Variants in MTG1 observed in about 807,000 individuals in gnomAD.
MTG1 encodes the protein mitochondrial ribosome associated GTPase 1.
MTG1 carries 30 observed loss-of-function variants against 39.5 expected under a neutral mutation model. That is an observed-to-expected ratio of 0.76 (90% CI 0.57 to 1.03). The LOEUF is 1.03. Ranked by LOEUF, MTG1 falls within the 50% of genes least tolerant of loss-of-function variation. MTG1 has a pLI of 0.00. For missense variants in MTG1, 513 were observed against 447.4 expected (o/e 1.15, Z -1.32); for synonymous variants, 217 against 179.0 (o/e 1.21, Z -1.69).
In MTG1 at chr10:133,420,488, CTCCAGTTAAAGGGCCTGTTT is replaced by C; in HGVS notation, c.*324_*343del. On this transcript the variant is annotated 3_prime_UTR_variant, in exon 11 of 11. Coordinates refer to ENST00000317502, the MANE Select transcript of MTG1 (RefSeq NM_138384.4). The stretch of plus-strand genomic sequence containing the variant: ...AGCTATAACCTGTAACCTTTAAAAT[CTCCAGTTAAAGGGCCTGTTT>C]CTTACTGGCCTGTGAGGTGCACCGT... 1 of 295,130 alleles carries C rather than the reference CTCCAGTTAAAGGGCCTGTTT, an allele frequency of 3.4e-6. No homozygotes were observed. Among genetic ancestry groups the C allele is most frequent in the East Asian group, 5.7e-5 (1 of 17,542 alleles). 18.3% of individuals were successfully genotyped at this position (295,130 alleles called of 1,614,324 possible).
Position 133,402,881 on chromosome 10 carries a change from C to A in MTG1, c.752+108C>A. 2.5e-6 allele frequency: 2 copies of A among 812,532 alleles called. No homozygotes were observed. Among genetic ancestry groups the A allele is most frequent in the Non-Finnish European group, 3.8e-6 (2 of 520,790 alleles). 50.3% of individuals were successfully genotyped at this position (812,532 alleles called of 1,614,324 possible). ...CAGCATTATAAAGGTATTATAAACA[C>A]GGTAACCTGCACATCGTTTAAAGCG... On this transcript the variant is annotated intron_variant, in intron 9 of 10. Coordinates refer to ENST00000317502, the MANE Select transcript of MTG1 (RefSeq NM_138384.4). This position sits in a 1 kb window ranked among gnomAD's most constrained non-coding sequence, Gnocchi z 4.7.
intron 9 of MTG1, among the ~76,000 whole-genome samples, chr10:133,413,599 T>C (rs1281169149): frequency 2.6e-5 from 4 of 152,212 alleles, no homozygotes; most frequent in Admixed American, 2.6e-4. Flanking sequence ...CTCTTTAGGA[T>C]TGAATATTTT....
In MTG1 at chr10:133,420,517, C is replaced by T. The variant is rs1406976834; in HGVS notation, c.*352C>T. On this transcript the variant is annotated 3_prime_UTR_variant, in exon 11 of 11. Coordinates refer to ENST00000317502, the MANE Select transcript of MTG1 (RefSeq NM_138384.4). ...AGTTAAAGGGCCTGTTTCTTACTGG[C>T]CTGTGAGGTGCACCGTAGTGCCTTG... The T allele has an allele frequency of 5.2e-5, 12 of 230,980 alleles. No individual in the cohort carries two copies. Among genetic ancestry groups the T allele is most frequent in the Admixed American group, 2.8e-4 (5 of 17,776 alleles). 14.3% of individuals were successfully genotyped at this position (230,980 alleles called of 1,614,324 possible).
intron 6 of MTG1, among the ~76,000 whole-genome samples, chr10:133,401,154 G>C (rs7089337): frequency 0.022 from 3,368 of 152,260 alleles, 118 homozygotes; most frequent in African/African-American, 0.075. Flanking sequence ...GGGAGGTGGG[G>C]GACTGCGTGG....
chr10:133,405,305 C>T (rs894727645), intron 9 of MTG1, among the ~76,000 whole-genome samples: 4 of 152,076 alleles, frequency 2.6e-5, no homozygotes, highest in African/African-American at 4.8e-5. Flanking sequence ...TTCAGGGTAC[C>T]TATGATATTT....
chr10:133,396,545 C>T (rs1032916608), intron 3 of MTG1, among the ~76,000 whole-genome samples: 13 of 152,176 alleles, frequency 8.5e-5, no homozygotes, highest in South Asian at 2.1e-4. Context: ...TCAGTGAGTG[C>T]GCATTGTGGG....
rs374714619 is a variant in MTG1, at chr10:133,394,250, C to G, written c.30C>G (p.Ser10Arg). MRLTPRALC[S>R]AAQAAWRENF... ...GATTGACCCCGCGCGCGCTGTGCAG[C>G]GCCGCCCAGGCCGCCTGGCGGGAGA... The change falls in exon 1 of 11, where the codon AGC (serine) becomes AGG (arginine). Residue 10 changes from serine (S) to arginine (R), a missense_variant. Coordinates refer to ENST00000317502, the MANE Select transcript of MTG1 (RefSeq NM_138384.4). The G allele has an allele frequency of 9.5e-4, 1,438 of 1,518,746 alleles. 7 individuals are homozygous for G. In the Middle Eastern group the frequency reaches 0.01, roughly 11 times the overall value. 94.1% of individuals were successfully genotyped at this position (1,518,746 alleles called of 1,614,324 possible). A position where few individuals can be genotyped will look rare whatever the true frequency, so the allele number is the denominator to read the frequency against.
At chr10:133,412,782 T>C (rs1850065960) in intron 9 of MTG1, among the ~76,000 whole-genome samples, 1 of 152,368 alleles carries the variant, frequency 6.6e-6, no homozygotes, top group South Asian at 2.1e-4. Context: ...CTGGTTTCAT[T>C]GACTTTCTGT....
intron 9 of MTG1, among the ~76,000 whole-genome samples, chr10:133,411,945 A>G (rs893244133): frequency 6.6e-6 from 1 of 152,088 alleles, no homozygotes; most frequent in African/African-American, 2.4e-5. Flanking sequence ...AGGGTTGGCC[A>G]CTGGCTCTTT....
chr10:133,394,369 G>A, intron 1 of MTG1, 37 bp downstream of exon 1: 1 of 1,429,494 alleles, frequency 7.0e-7, no homozygotes, highest in Non-Finnish European at 9.2e-7. Context: ...TCATGCCTAC[G>A]GCCGCGGCGC....
intron 9 of MTG1, among the ~76,000 whole-genome samples, chr10:133,408,277 TG>T (rs1849996664): frequency 6.6e-6 from 1 of 152,264 alleles, no homozygotes; most frequent in Non-Finnish European, 1.5e-5. Flanking sequence ...CGTGAAGCGA[TG>T]CTGAATTTTA....
chr10:133,395,661 C>A, intron 1 of MTG1, 52 bp from the exon 2 acceptor site: 1 of 1,567,978 alleles, frequency 6.4e-7, no homozygotes, highest in South Asian at 1.1e-5. Flanking sequence ...TTGAATCGAT[C>A]ACTCTAGAAA....
Position 133,396,182 on chromosome 10 carries a change from A to G in MTG1, c.197A>G (p.Asn66Ser), listed in dbSNP as rs770547262. The change falls in exon 3 of 11, where the codon AAC becomes AGC. Residue 66 changes from asparagine to serine, a missense_variant. Coordinates refer to ENST00000317502, the MANE Select transcript of MTG1 (RefSeq NM_138384.4). ...TGCCACATCCCACTTTCAGGCCGCA[A>G]CCCTCTGTTTCAGGAAACCCTTGGG... ...HDARIPLSGR[N>S]PLFQETLGLK... is the part of the protein sequence containing the mutation. 8.1e-6 allele frequency: 13 copies of G among 1,614,110 alleles called. No individual in the cohort carries two copies. In the East Asian group the frequency reaches 8.9e-5, roughly 11 times the overall value.
rs1229912205 is a variant in MTG1, at chr10:133,414,799, G to A, written c.753-4681G>A. ...CAGAGGCTGCAATCTCGGCACTTTGGGAGGCCAAGGCAGGCGGCTGGGAGG... is the reference window on the plus strand; with the variant it reads ...CAGAGGCTGCAATCTCGGCACTTTGAGAGGCCAAGGCAGGCGGCTGGGAGG... On this transcript the variant is annotated intron_variant, in intron 9 of 10. Coordinates refer to ENST00000317502, the MANE Select transcript of MTG1 (RefSeq NM_138384.4). Among the ~76,000 whole-genome samples, 6 of 152,370 alleles carry A rather than the reference G, an allele frequency of 3.9e-5. No homozygotes were observed. In the East Asian group the frequency reaches 5.8e-4, roughly 15 times the overall value.
rs1195520711 is a variant in MTG1 at position 133,394,278 on chromosome 10, T to A, written c.58T>A (p.Phe20Ile). The change falls in exon 1 of 11, where the codon TTC becomes ATC. Residue 20 changes from phenylalanine to isoleucine, a missense_variant. Coordinates refer to ENST00000317502, the MANE Select transcript of MTG1 (RefSeq NM_138384.4). ...CGCCCAGGCCGCCTGGCGGGAGAACTTCCCCCTGTGCGGTCGCGACGTGGC... is the reference window on the plus strand; with the variant it reads ...CGCCCAGGCCGCCTGGCGGGAGAACATCCCCCTGTGCGGTCGCGACGTGGC... ...SAAQAAWREN[F>I]PLCGRDVARW... is the part of the protein sequence containing the mutation. 1 of 1,517,464 alleles carries A rather than the reference T, an allele frequency of 6.6e-7. No individual in the cohort carries two copies. The highest frequency in any genetic ancestry group is 1.4e-5 in the African/African-American group (1 of 69,642). 94.0% of individuals were successfully genotyped at this position (1,517,464 alleles called of 1,614,324 possible). A position where few individuals can be genotyped will look rare whatever the true frequency, so the allele number is the denominator to read the frequency against.
At chr10:133,415,657 G>T (rs983554646) in intron 9 of MTG1, among the ~76,000 whole-genome samples, 9 of 152,224 alleles carry the variant, frequency 5.9e-5, no homozygotes, top group African/African-American at 1.9e-4. Context: ...GTGCTTTTGA[G>T]CAACTTGATT....
chr10:133,418,902 A>C (rs1336707092), intron 9 of MTG1, among the ~76,000 whole-genome samples: 1 of 152,146 alleles, frequency 6.6e-6, no homozygotes, highest in African/African-American at 2.4e-5. Context: ...GAGGAGTCAG[A>C]GTGCCCGTTA....
At chr10:133,399,129 G>A (rs199657240) in intron 4 of MTG1, 41 bp from the exon 5 acceptor site, 56 of 1,613,154 alleles carry the variant, frequency 3.5e-5, no homozygotes, top group Middle Eastern at 1.6e-4. Context: ...GTGCACAGAC[G>A]TCCGACCTGG....
At chr10:133,395,390 G>T (rs1250010765) in intron 1 of MTG1, among the ~76,000 whole-genome samples, 23 of 151,936 alleles carry the variant, frequency 1.5e-4, no homozygotes, top group Admixed American at 1.5e-3. Flanking sequence ...GCAAGACTCC[G>T]TCTCAGAAAA....
Sources: allele counts gnomAD v4.1 joint callset (sites outside exome capture counted in the v4.1 genomes callset), GRCh38; gene constraint gnomAD v4.1.1; non-coding constraint Gnocchi (gnomAD v3.1); transcripts MANE v1.5; gene names NCBI Gene and HGNC (gene_info 2026-07-23, HGNC 2026-07-21).